Variants in PCNX2 observed in about 807,000 individuals in gnomAD.
PCNX2 encodes the protein pecanex-like protein 2.
In PCNX2, 168 loss-of-function variants were observed where a neutral mutation model predicts 223.8. That is an observed-to-expected ratio of 0.75 (90% CI 0.66 to 0.85). The LOEUF is 0.85. Ranked by LOEUF, PCNX2 falls within the 40% of genes least tolerant of loss-of-function variation. PCNX2 has a pLI of 0.00. For synonymous variants in PCNX2, 1,006 were observed against 1,052.6 expected, an observed-to-expected ratio of 0.96 and a Z score of 0.86; for missense variants, 2,507 against 2,675.5, an observed-to-expected ratio of 0.94 and a Z score of 1.39.
chr1:233,121,665 T>C (rs1440369185), intron 21 of PCNX2, among the ~76,000 whole-genome samples: 1 of 152,132 alleles, frequency 6.6e-6, no homozygotes, highest in Non-Finnish European at 1.5e-5. Flanking sequence ...GTTAACTAAA[T>C]GGATGACAGA....
chr1:233,259,111 C>G lies in PCNX2; in HGVS notation c.751G>C (p.Gly251Arg). The change falls in exon 5 of 34, where the codon GGA (glycine) becomes CGA (arginine). Residue 251 changes from glycine to arginine, a missense_variant. Around this residue, in one of 3 missense-constraint regions of PCNX2, gnomAD observed 1,031 missense variants for 1,021.7 expected, o/e 1.01. Coordinates refer to ENST00000258229, the MANE Select transcript of PCNX2 (RefSeq NM_014801.4). ...HRSEGGLVDK[G>R]PLKKLPHLSL... is the part of the protein sequence containing the mutation. ...AGGTGGGGCAACTTCTTCAAGGGTC[C>G]CTTATCCACTAAGCCACCCTCGGAT... The G allele has an allele frequency of 6.2e-7, 1 of 1,613,960 alleles. No individual in the cohort carries two copies. Among genetic ancestry groups the G allele is most frequent in the Non-Finnish European group, 8.5e-7 (1 of 1,179,892 alleles).
intron 23 of PCNX2, chr1:233,086,885 C>A (rs1343408507): frequency 2.5e-6 from 1 of 393,636 alleles, no homozygotes; most frequent in Non-Finnish European, 3.5e-6. Context: ...TGAGCCACTG[C>A]AGGCTTTTGA....
intron 23 of PCNX2, among the ~76,000 whole-genome samples, chr1:233,077,720 A>G (rs1673159163): frequency 6.6e-6 from 1 of 152,214 alleles, no homozygotes; most frequent in Admixed American, 6.5e-5. Context: ...TACAAAATAT[A>G]AAAAGAAATA....
intron 26 of PCNX2, among the ~76,000 whole-genome samples, chr1:233,019,367 C>T (rs1315734456): frequency 1.3e-5 from 2 of 152,086 alleles, no homozygotes; most frequent in African/African-American, 4.8e-5. Flanking sequence ...TCTGTAACAC[C>T]CCACCATAAC....
chr1:233,099,073 G>C (rs888745012), intron 21 of PCNX2, among the ~76,000 whole-genome samples: 1 of 152,208 alleles, frequency 6.6e-6, no homozygotes, highest in Non-Finnish European at 1.5e-5. Context: ...GGCTCAGAGA[G>C]ATTAAGTGGA....
the PCNX2 span, among the ~76,000 whole-genome samples, chr1:233,302,037 G>T: frequency 6.6e-6 from 1 of 151,956 alleles, no homozygotes; most frequent in African/African-American, 2.4e-5. Flanking sequence ...CTCGGGTAAT[G>T]CCCCCGCCTT....
chr1:233,033,337 A>G (rs1432200414), intron 25 of PCNX2: 4 of 329,922 alleles, frequency 1.2e-5, no homozygotes, highest in Non-Finnish European at 1.3e-5. Flanking sequence ...AGGTAAGAAA[A>G]ATACGAACAC....
chr1:233,028,380 A>G (rs891672901), intron 25 of PCNX2, among the ~76,000 whole-genome samples: 3 of 152,144 alleles, frequency 2.0e-5, no homozygotes, highest in African/African-American at 7.2e-5. Context: ...CTTTTAATTC[A>G]GTCAGTTTTT....
intron 26 of PCNX2, among the ~76,000 whole-genome samples, chr1:233,021,543 C>T (rs564736801): frequency 2.0e-5 from 3 of 152,098 alleles, no homozygotes; most frequent in Non-Finnish European, 2.9e-5. Context: ...CCATGGAATT[C>T]GAATGTGTGG....
At chr1:233,206,533 T>G (rs1158628919) in intron 13 of PCNX2, among the ~76,000 whole-genome samples, 1 of 152,088 alleles carries the variant, frequency 6.6e-6, no homozygotes, top group African/African-American at 2.4e-5. Context: ...TATGTGTTTG[T>G]TCCAACTGAT....
Position 232,987,977 on chromosome 1 carries a change from G to A in PCNX2, c.5792-1437C>T, listed in dbSNP as rs1414599845. 3.7e-4 allele frequency among the ~76,000 whole-genome samples: 57 copies of A among 152,226 alleles called. 1 individual carries two copies. Among genetic ancestry groups the A allele is most frequent in the Admixed American group, 3.7e-3 (57 of 15,284 alleles). On this transcript the variant is annotated intron_variant, in intron 32 of 33. Transcript: ENST00000258229. ...GGGCTGCCCTCCCTGGGATGAGTGT[G>A]CTCAGCCCCTCGCATGGGGCCCACC...
At chr1:233,004,840 G>A (rs1013214704) in intron 28 of PCNX2, among the ~76,000 whole-genome samples, 2 of 152,214 alleles carry the variant, frequency 1.3e-5, no homozygotes, top group African/African-American at 4.8e-5. Context: ...AGAGCAGACT[G>A]CGGGAAACAG....
At chr1:233,121,805 C>T (rs946421236) in intron 21 of PCNX2, among the ~76,000 whole-genome samples, 1 of 151,936 alleles carries the variant, frequency 6.6e-6, no homozygotes, top group African/African-American at 2.4e-5. Context: ...AGTTTAATGC[C>T]GATACAGGTA....
chr1:233,245,016 C>G (rs956020443), intron 8 of PCNX2, among the ~76,000 whole-genome samples: 1 of 152,236 alleles, frequency 6.6e-6, no homozygotes, highest in Admixed American at 6.5e-5. Context: ...ATTCCCATCA[C>G]TCCTGCTGCA....
chr1:233,245,222 T>C (rs1659037048), intron 8 of PCNX2, among the ~76,000 whole-genome samples: 1 of 152,262 alleles, frequency 6.6e-6, no homozygotes, highest in African/African-American at 2.4e-5. Flanking sequence ...AGGCTGGTTT[T>C]AGATGTATGC....
intron 26 of PCNX2, among the ~76,000 whole-genome samples, chr1:233,020,922 T>C (rs1425080322): frequency 1.3e-5 from 2 of 152,204 alleles, no homozygotes; most frequent in Non-Finnish European, 2.9e-5. Context: ...TCCTTTTCAA[T>C]TTGCCTTTCC....
intron 23 of PCNX2, among the ~76,000 whole-genome samples, chr1:233,073,488 A>C (rs1024830191): frequency 1.3e-5 from 2 of 152,008 alleles, no homozygotes; most frequent in African/African-American, 4.8e-5. Context: ...TTTTGAGAAG[A>C]GGTCTCACTA....
At position 233,218,203 on chromosome 1, in the gene PCNX2, T is replaced by G; in HGVS notation, c.2505-19A>C. The G allele has an allele frequency of 1.1e-5, 1 of 94,520 alleles. No individual in the cohort carries two copies. Among genetic ancestry groups the G allele is most frequent in the Non-Finnish European group, 1.7e-5 (1 of 59,078 alleles). The allele number at this position is 94,520 out of a possible 1,614,324, so 5.9% of individuals were successfully genotyped here. On this transcript the variant is annotated intron_variant, in intron 10 of 33. Coordinates refer to ENST00000258229, the MANE Select transcript of PCNX2 (RefSeq NM_014801.4). ...TTCAGTTCTGTGCAAAATATATACA[T>G]AAAAGCAAAAAAAAAAAAAAAAAAA...
chr1:233,252,361 A>G lies in PCNX2; in HGVS notation c.2121T>C (p.Asp707=), dbSNP rs1558393097. 1.9e-6 allele frequency: 3 copies of G among 1,604,216 alleles called. No individual in the cohort carries two copies. The highest frequency in any genetic ancestry group is 2.6e-6 in the Non-Finnish European group (3 of 1,174,224). ...ISVDAMHVFI[D]EHGEIRSCYL... Reference sequence around the variant, plus strand: ...AGAGCTCCAAAGACTCACCATGTTCATCAATGAAGACATGCATAGCATCCA... The same window carrying G: ...AGAGCTCCAAAGACTCACCATGTTCGTCAATGAAGACATGCATAGCATCCA... The change falls in exon 7 of 34, where the codon GAT becomes GAC. Residue 707 remains aspartate (D), a synonymous_variant. Coordinates refer to ENST00000258229, the MANE Select transcript of PCNX2 (RefSeq NM_014801.4).
Sources: gnomAD v4.1 joint callset for allele counts (sites outside exome capture counted in the v4.1 genomes callset) on GRCh38, gnomAD v4.1.1 for gene constraint, gnomAD v4.1.1 regional missense constraint, MANE v1.5 for transcripts, NCBI Gene and HGNC (gene_info 2026-07-23, HGNC 2026-07-21) for gene names.